The following SERGEF variants were observed in gnomAD, a reference collection of about 807,000 sequenced individuals.
The protein encoded by SERGEF is secretion regulating guanine nucleotide exchange factor.
SERGEF carries 51 observed loss-of-function variants against 50.0 expected under a neutral mutation model. The ratio of observed to expected loss-of-function variants is 1.02; its 90% CI spans 0.81 to 1.29. The LOEUF is 1.29. SERGEF is among the 50% of genes most tolerant of loss of function. The probability of loss-of-function intolerance (pLI) is 0.00; values close to 1 mark genes in which losing one functional copy is unlikely to be tolerated. For synonymous variants in SERGEF, 205 were observed against 212.4 expected, an observed-to-expected ratio of 0.97 and a Z score of 0.30; for missense variants, 521 against 557.0, an observed-to-expected ratio of 0.94 and a Z score of 0.65.
At chr11:17,897,540 C>A (rs1350330018) in intron 9 of SERGEF, among the ~76,000 whole-genome samples, 1 of 152,188 alleles carries the variant, frequency 6.6e-6, no homozygotes, top group African/African-American at 2.4e-5. Flanking sequence ...TGGAATACCA[C>A]TAATCAATAC....
chr11:17,954,071 T>C (rs1318184422), intron 9 of SERGEF, among the ~76,000 whole-genome samples: 1 of 152,180 alleles, frequency 6.6e-6, no homozygotes, highest in Non-Finnish European at 1.5e-5. Flanking sequence ...CTGCTACAAC[T>C]GAAAGGTTTG....
chr11:18,000,077 G>A (rs952997857), intron 5 of SERGEF, among the ~76,000 whole-genome samples: 8 of 152,152 alleles, frequency 5.3e-5, no homozygotes, highest in African/African-American at 1.9e-4. Flanking sequence ...CCACAATGCA[G>A]CAGGACCCTT....
chr11:17,916,858 A>G (rs1486113199), intron 9 of SERGEF, among the ~76,000 whole-genome samples: 1 of 152,218 alleles, frequency 6.6e-6, no homozygotes, highest in Non-Finnish European at 1.5e-5. Flanking sequence ...TTATCCCCCT[A>G]GCACAACGGT....
At chr11:17,890,038 A>G (rs1851503275) in intron 9 of SERGEF, among the ~76,000 whole-genome samples, 1 of 151,310 alleles carries the variant, frequency 6.6e-6, no homozygotes, top group Admixed American at 6.6e-5. Context: ...AAAAAAAAAA[A>G]AAAAAAAAAA....
chr11:17,917,223 A>G (rs1460178805), intron 9 of SERGEF, among the ~76,000 whole-genome samples: 1 of 152,266 alleles, frequency 6.6e-6, no homozygotes, highest in South Asian at 2.1e-4. Context: ...ATATGATGAA[A>G]TACTACTCAG....
rs1201782937 is a variant in SERGEF, at chr11:17,987,106, A to G, written c.844+1491T>C. On this transcript the variant is annotated intron_variant, in intron 8 of 10. Coordinates refer to ENST00000265965, the MANE Select transcript of SERGEF (RefSeq NM_012139.4). Reference sequence around the variant, plus strand: ...TTCCCCAAGGCTTAACACATTGCTCAATAGGTGCCTAATAAACATTAACCT... The same window carrying G: ...TTCCCCAAGGCTTAACACATTGCTCGATAGGTGCCTAATAAACATTAACCT... Among the ~76,000 whole-genome samples, 3 of 152,254 alleles carry G rather than the reference A, an allele frequency of 2.0e-5. No homozygotes were observed. In the East Asian group the frequency reaches 5.8e-4, roughly 29 times the overall value.
chr11:17,793,976 C>T (rs1311308150), intron 10 of SERGEF, among the ~76,000 whole-genome samples: 1 of 152,238 alleles, frequency 6.6e-6, no homozygotes, highest in Non-Finnish European at 1.5e-5. Flanking sequence ...TCTGTGGCAC[C>T]TGCCCGAGCT....
chr11:17,983,845 T>A lies in SERGEF; in HGVS notation c.844+4752A>T, dbSNP rs147673051. Among the ~76,000 whole-genome samples, 628 of 150,464 alleles carry A rather than the reference T, an allele frequency of 4.2e-3. 9 individuals are homozygous for A. The highest frequency in any genetic ancestry group is 0.014 in the African/African-American group (556 of 40,928). On this transcript the variant is annotated intron_variant, in intron 8 of 10. Coordinates refer to ENST00000265965, the MANE Select transcript of SERGEF (RefSeq NM_012139.4). ...GACTTTAAAAAAAAAAAAAAAGGATTTAGCTAAGTCAAACTGAAGAAGAGG... is the reference window on the plus strand; with the variant it reads ...GACTTTAAAAAAAAAAAAAAAGGATATAGCTAAGTCAAACTGAAGAAGAGG...
intron 10 of SERGEF, among the ~76,000 whole-genome samples, chr11:17,858,903 G>A (rs1411831770): frequency 6.6e-6 from 1 of 152,084 alleles, no homozygotes; most frequent in Admixed American, 6.5e-5. Context: ...ATAGAGGGAT[G>A]CAGCCATGGC....
intron 10 of SERGEF, among the ~76,000 whole-genome samples, chr11:17,869,098 G>A (rs887062244): frequency 1.3e-5 from 2 of 152,074 alleles, no homozygotes; most frequent in Non-Finnish European, 1.5e-5. Flanking sequence ...CACGTATCCC[G>A]ATTTTTAGGC....
At chr11:17,914,745 CAT>C (rs1307981790) in intron 9 of SERGEF, among the ~76,000 whole-genome samples, 1 of 152,190 alleles carries the variant, frequency 6.6e-6, no homozygotes, top group African/African-American at 2.4e-5. Flanking sequence ...TTTTATGACA[CAT>C]AGTTTCTAGC....
chr11:17,852,031 C>T (rs1484338149), intron 10 of SERGEF, among the ~76,000 whole-genome samples: 1 of 152,204 alleles, frequency 6.6e-6, no homozygotes, highest in Non-Finnish European at 1.5e-5. Flanking sequence ...AATCTACCTC[C>T]CTAAGGTGTT....
intron 9 of SERGEF, among the ~76,000 whole-genome samples, chr11:17,932,416 G>A (rs1231041837): frequency 6.6e-6 from 1 of 152,034 alleles, no homozygotes; most frequent in African/African-American, 2.4e-5. Flanking sequence ...ATAAGAGGAT[G>A]GCAAGTAAGA....
At position 17,888,973 on chromosome 11, in the gene SERGEF, A is replaced by C. The variant is rs780546815; in HGVS notation, c.1012-10729T>G. Among the ~76,000 whole-genome samples the C allele has an allele frequency of 1.3e-5, 2 of 152,226 alleles. No homozygotes were observed. The highest frequency in any genetic ancestry group is 2.9e-5 in the Non-Finnish European group (2 of 68,036). ...TAAATCAGGGAGAACTTGAGCTCCA[A>C]AATGAATAATGACAGTAGATTATAG... On this transcript the variant is annotated intron_variant, in intron 9 of 10. Coordinates refer to ENST00000265965, the MANE Select transcript of SERGEF (RefSeq NM_012139.4). The surrounding 1 kb of genome is among the most constrained non-coding windows in gnomAD (Gnocchi z 4.1).
chr11:17,840,742 T>G (rs1378288278), intron 10 of SERGEF, among the ~76,000 whole-genome samples: 1 of 152,262 alleles, frequency 6.6e-6, no homozygotes, highest in Non-Finnish European at 1.5e-5. Context: ...GTTCCCTTGA[T>G]GAAAAGTCAG....
intron 9 of SERGEF, among the ~76,000 whole-genome samples, chr11:17,899,737 G>A (rs1175604473): frequency 6.6e-6 from 1 of 152,022 alleles, no homozygotes; most frequent in Non-Finnish European, 1.5e-5. Context: ...AGGATCACTT[G>A]AGGCCAGCGG....
intron 7 of SERGEF, among the ~76,000 whole-genome samples, chr11:17,992,206 A>G (rs1029127050): frequency 6.6e-6 from 1 of 152,236 alleles, no homozygotes; most frequent in Non-Finnish European, 1.5e-5. Context: ...GATGAAGTAG[A>G]TAAATTAGAG....
intron 9 of SERGEF, among the ~76,000 whole-genome samples, chr11:17,890,714 C>A (rs766580303): frequency 6.6e-6 from 1 of 152,132 alleles, no homozygotes; most frequent in African/African-American, 2.4e-5. Flanking sequence ...TGAGCCACTG[C>A]GCCTAGCTGA....
intron 8 of SERGEF, among the ~76,000 whole-genome samples, chr11:17,978,753 T>C (rs796372580): frequency 4.6e-5 from 7 of 152,186 alleles, no homozygotes; most frequent in African/African-American, 1.7e-4. Flanking sequence ...GGTTCTCCCA[T>C]CCATACAAAA....
Sources: allele counts gnomAD v4.1 joint callset (sites outside exome capture counted in the v4.1 genomes callset), GRCh38; gene constraint gnomAD v4.1.1; non-coding constraint Gnocchi (gnomAD v3.1); transcripts MANE v1.5; gene names NCBI Gene and HGNC (gene_info 2026-07-23, HGNC 2026-07-21).